The following TSPEAR variants were observed in gnomAD, a reference collection of about 807,000 sequenced individuals.
The protein encoded by TSPEAR is thrombospondin type laminin G domain and EAR repeats, also known as thrombospondin-type laminin G domain and EAR repeat-containing protein.
Under a neutral mutation model 71.6 loss-of-function variants are expected in TSPEAR, and 69 were observed. That is an observed-to-expected ratio of 0.96 (90% CI 0.79 to 1.18). The LOEUF (loss-of-function observed/expected upper bound fraction) is 1.18, where lower values mean the gene tolerates loss of function less well. TSPEAR is among the 50% of genes most tolerant of loss of function. The pLI is 0.00. For synonymous variants in TSPEAR, 402 were observed against 387.2 expected (o/e 1.04, Z -0.45); for missense variants, 971 against 894.9 (o/e 1.09, Z -1.09).
At chr21:44,558,376 A>G in intron 2 of TSPEAR, 4 of 1,613,582 alleles carry the variant, frequency 2.5e-6, no homozygotes, top group Middle Eastern at 1.7e-4. Flanking sequence ...GGCTTGCAGC[A>G]GACGGGCACA....
At chr21:44,519,037 TTTTG>T (rs1309348534) in intron 9 of TSPEAR, 3 of 179,914 alleles carry the variant, frequency 1.7e-5, no homozygotes, top group Non-Finnish European at 3.5e-5. Flanking sequence ...GTTGTTTTTT[TTTTG>T]TTTTTGAGAT....
At chr21:44,515,538 A>G (rs2052538945) in intron 9 of TSPEAR, 1 of 152,264 alleles carries the variant, frequency 6.6e-6, no homozygotes, top group African/African-American at 2.4e-5. Flanking sequence ...ATGGGTCGCT[A>G]GCCCAGACCC....
chr21:44,550,178 G>T (rs1244904479), intron 2 of TSPEAR, among the ~76,000 whole-genome samples: 2 of 152,262 alleles, frequency 1.3e-5, no homozygotes, highest in East Asian at 3.9e-4. Flanking sequence ...CCTGGGAGGG[G>T]AGCCGGACAG....
intron 1 of TSPEAR, among the ~76,000 whole-genome samples, chr21:44,671,449 G>A (rs1438149231): frequency 6.6e-6 from 1 of 152,164 alleles, no homozygotes; most frequent in Non-Finnish European, 1.5e-5. Context: ...GGGGCCTAAG[G>A]ACAGGCACAT....
rs145174642 is a variant in TSPEAR at position 44,545,234 on chromosome 21, C to T, written c.304-11311G>A. ...TTGGGAGGCTGAGGCAGGAGAATGG[C>T]GTGAACCCAGGAGGTGGAGCTTGCA... On this transcript the variant is annotated intron_variant, in intron 2 of 11. Transcript: ENST00000323084. Among the ~76,000 whole-genome samples, 1,041 of 151,914 alleles carry T rather than the reference C, an allele frequency of 6.9e-3. 3 individuals are homozygous for T. Among genetic ancestry groups the T allele is most frequent in the Middle Eastern group, 0.017 (5 of 294 alleles).
At position 44,573,749 on chromosome 21, in the gene TSPEAR, A is replaced by T. The variant is rs371752955; in HGVS notation, c.83-5744T>A. The T allele has an allele frequency of 3.1e-5, 50 of 1,588,908 alleles. 1 individual carries two copies. The African/African-American group carries it at 5.6e-4, about 18-fold the overall frequency. On this transcript the variant is annotated intron_variant, in intron 1 of 11. Coordinates refer to ENST00000323084, the MANE Select transcript of TSPEAR (RefSeq NM_144991.3). Reference sequence around the variant, plus strand: ...CCCCCAGCTCAACCCCCAGCACAGCAGCATCCACCATGTCCGTCTGCTCCA... The same window carrying T: ...CCCCCAGCTCAACCCCCAGCACAGCTGCATCCACCATGTCCGTCTGCTCCA...
rs182022816 is a variant in TSPEAR at position 44,541,560 on chromosome 21, C to T, written c.304-7637G>A. On this transcript the variant is annotated intron_variant, in intron 2 of 11. Coordinates refer to ENST00000323084, the MANE Select transcript of TSPEAR (RefSeq NM_144991.3). Reference sequence around the variant, plus strand: ...CCAATATTCCTTGTGGATTTTCTTACTGAGGCATTTACCAATTTACAGACC... The same window carrying T: ...CCAATATTCCTTGTGGATTTTCTTATTGAGGCATTTACCAATTTACAGACC... Among the ~76,000 whole-genome samples the T allele has an allele frequency of 2.0e-3, 309 of 152,292 alleles. 4 individuals are homozygous for T. Among genetic ancestry groups the T allele is most frequent in the Middle Eastern group, 0.014 (4 of 294 alleles).
chr21:44,590,381 G>A (rs2146120033), intron 1 of TSPEAR, among the ~76,000 whole-genome samples: 1 of 152,252 alleles, frequency 6.6e-6, no homozygotes, highest in South Asian at 2.1e-4. Flanking sequence ...AGGGTCCTCG[G>A]GGTCAGAGTC....
chr21:44,631,180 G>A (rs1983235085), intron 1 of TSPEAR, among the ~76,000 whole-genome samples: 1 of 151,946 alleles, frequency 6.6e-6, no homozygotes, highest in Non-Finnish European at 1.5e-5. Flanking sequence ...TACTCAAAGA[G>A]CTAAAGGAAA....
At chr21:44,690,502 G>T in intron 1 of TSPEAR, 1 of 960,076 alleles carries the variant, frequency 1.0e-6, no homozygotes. Context: ...AATCAGATTA[G>T]CATCAGACAT....
chr21:44,637,756 G>A (rs1983719880), intron 1 of TSPEAR: 4 of 1,328,190 alleles, frequency 3.0e-6, no homozygotes, highest in Non-Finnish European at 4.1e-6. Flanking sequence ...ACAAGCCTGT[G>A]TGCTTCGTGC....
At chr21:44,503,327 G>A (rs2052090042) in intron 11 of TSPEAR, among the ~76,000 whole-genome samples, 1 of 146,732 alleles carries the variant, frequency 6.8e-6, no homozygotes, top group African/African-American at 2.5e-5. Context: ...GGCCGGCCTT[G>A]GTGAGCCCTC....
intron 1 of TSPEAR, chr21:44,647,261 G>A (rs1984488673): frequency 1.9e-6 from 3 of 1,601,698 alleles, no homozygotes; most frequent in South Asian, 2.2e-5. Context: ...TCCAGCTGCT[G>A]CCGCCCGGCC....
chr21:44,517,872 C>A (rs138626516), intron 9 of TSPEAR: 2 of 471,180 alleles, frequency 4.2e-6, no homozygotes, highest in South Asian at 1.5e-5. Flanking sequence ...TTGGGCTCAG[C>A]GCCCTTTCAG....
intron 1 of TSPEAR, chr21:44,611,941 G>C: frequency 1.4e-6 from 1 of 727,280 alleles, no homozygotes; most frequent in Non-Finnish European, 2.3e-6. Flanking sequence ...AACTAATTAG[G>C]GTTGCCTGGA....
intron 1 of TSPEAR, chr21:44,654,639 C>T (rs782568357): frequency 6.6e-5 from 98 of 1,477,114 alleles, no homozygotes; most frequent in Middle Eastern, 2.4e-4. Context: ...AGGTGGGGGG[C>T]GCAGAGGACA....
At chr21:44,693,908 T>G (rs1987219678) in intron 1 of TSPEAR, among the ~76,000 whole-genome samples, 2 of 152,220 alleles carry the variant, frequency 1.3e-5, no homozygotes, top group Admixed American at 6.5e-5. Context: ...TTATTCATAA[T>G]AGCCAAAAGG....
chr21:44,627,739 C>A (rs782140281), intron 1 of TSPEAR: 1 of 1,595,110 alleles, frequency 6.3e-7, no homozygotes, highest in Non-Finnish European at 8.6e-7. Context: ...CTGCTGTAAG[C>A]CTGTCTGCTG....
chr21:44,599,172 C>CTCTCTCTCTCTCTCTCTCTCTCTCTCT (rs1372930980), intron 1 of TSPEAR, among the ~76,000 whole-genome samples: 67 of 146,038 alleles, frequency 4.6e-4, no homozygotes, highest in Non-Finnish European at 6.6e-4. Context: ...CTCTCTCTCT[C>CTCTCTCTCTCTCTCTCTCTCTCTCTCT]CTTCCATCCC....
Sources: gnomAD v4.1 joint callset for allele counts (sites outside exome capture counted in the v4.1 genomes callset) on GRCh38, gnomAD v4.1.1 for gene constraint, MANE v1.5 for transcripts, NCBI Gene and HGNC (gene_info 2026-07-23, HGNC 2026-07-21) for gene names.